Variants in CUX2 observed in about 807,000 individuals in gnomAD.
CUX2 encodes cut like homeobox 2, also known as homeobox protein cut-like 2.
In CUX2, 40 loss-of-function variants were observed where a neutral mutation model predicts 144.8. That is an observed-to-expected ratio of 0.28 (90% CI 0.21 to 0.36). The LOEUF is 0.36. CUX2 is among the 10% of genes least tolerant of loss of function. The pLI, the probability that CUX2 is intolerant of heterozygous loss-of-function variation, is 1.00. For missense variants in CUX2, 1,615 were observed against 1,994.0 expected, an observed-to-expected ratio of 0.81 and a Z score of 3.62; for synonymous variants, 827 against 875.6, an observed-to-expected ratio of 0.94 and a Z score of 0.98.
At chr12:111,298,503 C>G in intron 8 of CUX2, 38 bp from the exon 9 acceptor site, 1 of 1,552,070 alleles carries the variant, frequency 6.4e-7, no homozygotes, top group Non-Finnish European at 8.7e-7. Flanking sequence ...TGGAGCCCGC[C>G]GGAAGCCCTT....
At position 111,263,615 on chromosome 12, in the gene CUX2, A is replaced by ACT; in HGVS notation, c.223-138_223-137dup. On this transcript the variant is annotated intron_variant, in intron 3 of 21. Coordinates refer to ENST00000261726, the MANE Select transcript of CUX2 (RefSeq NM_015267.4). This position sits in a 1 kb window ranked among gnomAD's most constrained non-coding sequence, Gnocchi z 4.0. ...ACTCCAGCCTGGGCGACAGAGCAAG[A>ACT]CTCTCTCTCAAAAACAAAACAAAAC... 1.4e-6 allele frequency: 1 copy of ACT among 708,570 alleles called. No individual in the cohort carries two copies. Among genetic ancestry groups the ACT allele is most frequent in the East Asian group, 2.5e-5 (1 of 39,684 alleles). The allele number at this position is 708,570 out of a possible 1,614,324, so 43.9% of individuals were successfully genotyped here. A position where few individuals can be genotyped will look rare whatever the true frequency, so the allele number is the denominator to read the frequency against.
In CUX2 at chr12:111,312,144, G is replaced by A. The variant is rs1333720072; in HGVS notation, c.1945G>A (p.Asp649Asn). The A allele has an allele frequency of 3.7e-6, 6 of 1,612,386 alleles. No individual in the cohort carries two copies. Among genetic ancestry groups the A allele is most frequent in the Admixed American group, 1.7e-5 (1 of 59,950 alleles). ...RIRTPETGSDDAIKSILEQAK... is the reference protein window; with the variant it reads ...RIRTPETGSDNAIKSILEQAK... ...CCGCACGCCTGAGACAGGCTCAGAC[G>A]ACGCCATCAAGAGCATTCTAGAGCA... Residue 649 changes from aspartate to asparagine, a missense_variant, in exon 16 of 22, where the codon GAC (aspartate) becomes AAC (asparagine). Asp to Asn is a conservative substitution (Grantham distance 23). This residue lies in a region of CUX2 where 71 missense variants were observed against 142.3 expected (regional missense o/e 0.50). Coordinates refer to ENST00000261726, the MANE Select transcript of CUX2 (RefSeq NM_015267.4). The surrounding 1 kb of genome is among the most constrained non-coding windows in gnomAD (Gnocchi z 4.3).
chr12:111,342,956 CAAAAAAAA>C (rs11314694), intron 21 of CUX2, among the ~76,000 whole-genome samples: 5 of 68,440 alleles, frequency 7.3e-5, no homozygotes, highest in South Asian at 5.1e-4. Context: ...GAGACTATCT[CAAAAAAAA>C]AAAAAAAAAA....
chr12:111,279,401 T>C (rs933975434), intron 4 of CUX2, among the ~76,000 whole-genome samples: 3 of 152,216 alleles, frequency 2.0e-5, no homozygotes, highest in Non-Finnish European at 4.4e-5. Flanking sequence ...CAGAAAGATA[T>C]GTTGAAGTCC....
At chr12:111,217,741 G>A (rs943256550) in intron 2 of CUX2, 149 bp from the exon 3 acceptor site, 17 of 785,384 alleles carry the variant, frequency 2.2e-5, no homozygotes, top group South Asian at 1.4e-4. Context: ...CCCTGTTTGC[G>A]TGTGTCCCTT....
At chr12:111,050,588 A>T (rs1490639003) in intron 1 of CUX2, among the ~76,000 whole-genome samples, 1 of 152,046 alleles carries the variant, frequency 6.6e-6, no homozygotes, top group African/African-American at 2.4e-5. Flanking sequence ...AGCTACCCTG[A>T]TTACCTCCCT....
At chr12:111,093,092 A>G (rs1872633644) in intron 1 of CUX2, among the ~76,000 whole-genome samples, 1 of 152,234 alleles carries the variant, frequency 6.6e-6, no homozygotes, top group South Asian at 2.1e-4. Flanking sequence ...CTGGGACTGC[A>G]AGCATGAGCC....
rs140517518 is a variant in CUX2, at chr12:111,035,763, C to T, written c.63+1523C>T. On this transcript the variant is annotated intron_variant, in intron 1 of 21. Coordinates refer to ENST00000261726, the MANE Select transcript of CUX2 (RefSeq NM_015267.4). The surrounding 1 kb of genome is among the most constrained non-coding windows in gnomAD (Gnocchi z 6.0). ...CCTCGCTCTCCCCCTCCCCCAAAGC[C>T]ATTGAGCTGGGGAGAAAATCGGGGC... is the stretch of plus-strand genomic sequence containing the variant. Among the ~76,000 whole-genome samples, 268 of 152,244 alleles carry T rather than the reference C, an allele frequency of 1.8e-3. No homozygotes were observed. Among genetic ancestry groups the T allele is most frequent in the African/African-American group, 6.1e-3 (253 of 41,546 alleles).
chr12:111,201,518 C>G (rs969741839), intron 1 of CUX2, among the ~76,000 whole-genome samples: 1 of 152,214 alleles, frequency 6.6e-6, no homozygotes, highest in Non-Finnish European at 1.5e-5. Flanking sequence ...CCCACGTGCC[C>G]TTAGGCGCAG....
At chr12:111,174,897 C>A (rs1878755903) in intron 1 of CUX2, among the ~76,000 whole-genome samples, 1 of 152,192 alleles carries the variant, frequency 6.6e-6, no homozygotes, top group Non-Finnish European at 1.5e-5. Flanking sequence ...GGCCAAATAG[C>A]AGCAGTTTCC....
At chr12:111,188,872 TGA>T (rs1346537223) in intron 1 of CUX2, among the ~76,000 whole-genome samples, 4 of 151,994 alleles carry the variant, frequency 2.6e-5, no homozygotes, top group Admixed American at 2.6e-4. Context: ...CCAGTCCAGG[TGA>T]GAGAGGATGG....
At chr12:111,329,458 A>T (rs1234994526) in intron 18 of CUX2, among the ~76,000 whole-genome samples, 2 of 152,186 alleles carry the variant, frequency 1.3e-5, no homozygotes, top group African/African-American at 2.4e-5. Context: ...CAGAGGAGTC[A>T]GAAAGGCGGG....
Position 111,320,527 on chromosome 12 carries a change from G to T in CUX2, c.2518G>T (p.Ala840Ser), listed in dbSNP as rs1301579607. The T allele has an allele frequency of 6.4e-7, 1 of 1,561,270 alleles. No individual in the cohort carries two copies. The highest frequency in any genetic ancestry group is 8.6e-7 in the Non-Finnish European group (1 of 1,160,390). Residue 840 changes from alanine to serine, a missense_variant, in exon 17 of 22, where the codon GCA (alanine) becomes TCA (serine). This residue lies in a region of CUX2 where 390 missense variants were observed against 387.1 expected (regional missense o/e 1.01). Coordinates refer to ENST00000261726, the MANE Select transcript of CUX2 (RefSeq NM_015267.4). This position sits in a 1 kb window ranked among gnomAD's most constrained non-coding sequence, Gnocchi z 8.1. ...TGTGCCCCCCGAGGACGAGGCGGCGGCAGGGGCGGAGGACGAACCCCCCAG... is the reference window on the plus strand; with the variant it reads ...TGTGCCCCCCGAGGACGAGGCGGCGTCAGGGGCGGAGGACGAACCCCCCAG... ...APVPPEDEAA[A>S]GAEDEPPRTG... is the part of the protein sequence containing the mutation.
intron 1 of CUX2, among the ~76,000 whole-genome samples, chr12:111,110,128 C>G (rs1160071520): frequency 6.6e-6 from 1 of 151,886 alleles, no homozygotes; most frequent in East Asian, 1.9e-4. Flanking sequence ...AGCAATCCTC[C>G]CACCTCAGCC....
chr12:111,336,624 T>A (rs1888366159), intron 19 of CUX2, among the ~76,000 whole-genome samples: 1 of 151,852 alleles, frequency 6.6e-6, no homozygotes, highest in African/African-American at 2.4e-5. Context: ...ATTTTTTTAT[T>A]TTTAGTAGAG....
intron 1 of CUX2, among the ~76,000 whole-genome samples, chr12:111,157,890 G>C (rs1877500934): frequency 6.6e-6 from 1 of 152,204 alleles, no homozygotes; most frequent in Non-Finnish European, 1.5e-5. Flanking sequence ...CATTCCTGCA[G>C]ACATTAAGCA....
rs369693733 is a variant in CUX2 at position 111,309,784 on chromosome 12, C to CCT, written c.1259-244_1259-243dup. Among the ~76,000 whole-genome samples, 59 of 147,236 alleles carry CCT rather than the reference C, an allele frequency of 4.0e-4. 1 individual carries two copies. Among genetic ancestry groups the CCT allele is most frequent in the Middle Eastern group, 3.5e-3 (1 of 288 alleles). ...CATGTGGTCTCTCTGTCTTGCTCTC[C>CCT]CTCTCTCTCTCTCTGTCCCTCTCAT... On this transcript the variant is annotated intron_variant, in intron 14 of 21. Transcript: ENST00000261726.
At position 111,322,700 on chromosome 12, in the gene CUX2, T is replaced by A; in HGVS notation, c.2926+120T>A. On this transcript the variant is annotated intron_variant, in intron 18 of 21. Coordinates refer to ENST00000261726, the MANE Select transcript of CUX2 (RefSeq NM_015267.4). This position sits in a 1 kb window ranked among gnomAD's most constrained non-coding sequence, Gnocchi z 4.2. Reference sequence around the variant, plus strand: ...CTCTCCCTCCCTGCTGCCCTGGCTTTCATCCCAGTCACTGTCATGGCTGCA... The same window carrying A: ...CTCTCCCTCCCTGCTGCCCTGGCTTACATCCCAGTCACTGTCATGGCTGCA... The A allele has an allele frequency of 7.8e-7, 1 of 1,285,804 alleles. No homozygotes were observed. The highest frequency in any genetic ancestry group is 1.1e-6 in the Non-Finnish European group (1 of 933,718). 79.6% of individuals were successfully genotyped at this position (1,285,804 alleles called of 1,614,324 possible). A position where few individuals can be genotyped will look rare whatever the true frequency, so the allele number is the denominator to read the frequency against.
intron 1 of CUX2, among the ~76,000 whole-genome samples, chr12:111,112,898 C>T (rs1255040310): frequency 1.3e-5 from 2 of 152,238 alleles, no homozygotes; most frequent in Non-Finnish European, 2.9e-5. Context: ...ACTGTGCTCA[C>T]CCCGGCTGGG....
Sources: allele counts gnomAD v4.1 joint callset (sites outside exome capture counted in the v4.1 genomes callset), GRCh38; gene constraint gnomAD v4.1.1; regional missense constraint gnomAD v4.1.1; non-coding constraint Gnocchi (gnomAD v3.1); transcripts MANE v1.5; gene names NCBI Gene and HGNC (gene_info 2026-07-23, HGNC 2026-07-21).